The following SIRPD variants were observed in gnomAD, a reference collection of about 807,000 sequenced individuals.
The protein encoded by SIRPD is signal regulatory protein delta.
In SIRPD, 21 loss-of-function variants were observed where a neutral mutation model predicts 18.0. The ratio of observed to expected loss-of-function variants is 1.17; its 90% CI spans 0.83 to 1.68. The LOEUF (loss-of-function observed/expected upper bound fraction) is 1.68, where lower values mean the gene tolerates loss of function less well. Among genes scored for constraint, SIRPD ranks in the 40% most tolerant of loss-of-function variants. The pLI, the probability that SIRPD is intolerant of heterozygous loss-of-function variation, is 0.00. For missense variants in SIRPD, 295 were observed against 238.4 expected (o/e 1.24, Z -1.56); for synonymous variants, 106 against 92.9 (o/e 1.14, Z -0.81).
intron 1 of SIRPD, chr20:1,553,826 G>T (rs2091029042): frequency 6.6e-6 from 1 of 152,416 alleles, no homozygotes; most frequent in East Asian, 1.9e-4. Flanking sequence ...TAGTCTACAG[G>T]GTAGTTCGTG....
intron 2 of SIRPD, among the ~76,000 whole-genome samples, chr20:1,549,506 A>C (rs1232625066): frequency 2.6e-5 from 4 of 151,724 alleles, no homozygotes; most frequent in Non-Finnish European, 1.5e-5. Flanking sequence ...ACAACCACCG[A>C]GGCTTGTTAT....
At chr20:1,535,551 C>T (rs1292259062) in intron 3 of SIRPD, among the ~76,000 whole-genome samples, 14 of 152,092 alleles carry the variant, frequency 9.2e-5, no homozygotes, top group Middle Eastern at 3.2e-3. Flanking sequence ...CATGCTCAGT[C>T]CCCTCACCAT....
intron 2 of SIRPD, among the ~76,000 whole-genome samples, chr20:1,545,741 C>G: frequency 6.6e-6 from 1 of 152,180 alleles, no homozygotes; most frequent in Non-Finnish European, 1.5e-5. Flanking sequence ...GTTTTTTCCT[C>G]ATTTTCATGG....
chr20:1,550,233 A>T (rs2091012908), intron 2 of SIRPD, among the ~76,000 whole-genome samples: 1 of 152,200 alleles, frequency 6.6e-6, no homozygotes. Flanking sequence ...CAACCTGCTT[A>T]GCATTTGTTC....
chr20:1,551,991 C>A lies in SIRPD; in HGVS notation c.121G>T (p.Val41Leu). 1 of 1,614,036 alleles carries A rather than the reference C, an allele frequency of 6.2e-7. No individual in the cohort carries two copies. The highest frequency in any genetic ancestry group is 1.1e-5 in the South Asian group (1 of 91,066). Reference protein sequence around the residue: ...HVQQTEMSQTVSTGESIILSC... With the variant: ...HVQQTEMSQTLSTGESIILSC... Reference sequence around the variant, plus strand: ...AAGATGATTGACTCCCCAGTTGATACAGTCTGTGACATCTCCGTTTGTTGC... The same window carrying A: ...AAGATGATTGACTCCCCAGTTGATAAAGTCTGTGACATCTCCGTTTGTTGC... Residue 41 changes from valine to leucine, a missense_variant, in exon 2 of 4, where the codon GTA (valine) becomes TTA (leucine). Physicochemically the swap from Val to Leu is conservative, Grantham distance 32. Transcript: ENST00000381623.
intron 2 of SIRPD, 153 bp from the exon 3 acceptor site, chr20:1,537,463 G>T: frequency 2.3e-6 from 2 of 878,020 alleles, no homozygotes; most frequent in Non-Finnish European, 3.4e-6. Flanking sequence ...AGGGTCCCAA[G>T]GTGCTTGGAG....
At chr20:1,551,661 G>T (rs2091019446) in intron 2 of SIRPD, 30 bp downstream of exon 2, 8 of 1,514,410 alleles carry the variant, frequency 5.3e-6, no homozygotes, top group Non-Finnish European at 7.2e-6. Flanking sequence ...TTATACACCA[G>T]GGGGTATGGG....
At chr20:1,542,623 C>T (rs779361887) in intron 2 of SIRPD, among the ~76,000 whole-genome samples, 1 of 152,048 alleles carries the variant, frequency 6.6e-6, no homozygotes, top group Non-Finnish European at 1.5e-5. Flanking sequence ...ATTTGAATAC[C>T]CTTTATTTCT....
chr20:1,553,234 T>C (rs543387718), intron 1 of SIRPD, among the ~76,000 whole-genome samples: 5 of 152,196 alleles, frequency 3.3e-5, no homozygotes, highest in Non-Finnish European at 7.4e-5. Flanking sequence ...TGCCAGGCCA[T>C]GGTAGGAGAT....
At chr20:1,539,204 A>G (rs2090960517) in intron 2 of SIRPD, among the ~76,000 whole-genome samples, 1 of 152,156 alleles carries the variant, frequency 6.6e-6, no homozygotes, top group Admixed American at 6.5e-5. Context: ...AGTCCAAAAT[A>G]TTTTCTAGTA....
intron 2 of SIRPD, among the ~76,000 whole-genome samples, chr20:1,544,881 T>G (rs1384980081): frequency 2.6e-5 from 4 of 152,214 alleles, no homozygotes; most frequent in African/African-American, 9.6e-5. Context: ...TGAAGCTTTT[T>G]TTGGCTGGAT....
chr20:1,553,135 C>T (rs1168026673), intron 1 of SIRPD, among the ~76,000 whole-genome samples: 1 of 152,200 alleles, frequency 6.6e-6, no homozygotes, highest in Non-Finnish European at 1.5e-5. Context: ...AATGACTCAA[C>T]CCCTATGGGA....
At chr20:1,542,583 A>G (rs572520520) in intron 2 of SIRPD, among the ~76,000 whole-genome samples, 76 of 152,290 alleles carry the variant, frequency 5.0e-4, no homozygotes, top group African/African-American at 1.7e-3. Flanking sequence ...GTCATCTGTA[A>G]ACAGAAACAA....
intron 2 of SIRPD, among the ~76,000 whole-genome samples, chr20:1,551,120 A>G (rs2091017091): frequency 6.6e-6 from 1 of 152,164 alleles, no homozygotes; most frequent in South Asian, 2.1e-4. Flanking sequence ...TTTCTTTCAC[A>G]TTATTAGAGG....
chr20:1,538,478 C>A (rs1326426009), intron 2 of SIRPD, among the ~76,000 whole-genome samples: 1 of 152,122 alleles, frequency 6.6e-6, no homozygotes, highest in Non-Finnish European at 1.5e-5. Context: ...CCTCTTCACT[C>A]ATGCTCTTCG....
intron 2 of SIRPD, among the ~76,000 whole-genome samples, chr20:1,543,305 C>A (rs992121242): frequency 6.6e-6 from 1 of 152,116 alleles, no homozygotes; most frequent in Non-Finnish European, 1.5e-5. Context: ...GCCTCAATTT[C>A]GGAACTTGTT....
intron 3 of SIRPD, among the ~76,000 whole-genome samples, chr20:1,536,074 A>G (rs2090943925): frequency 6.6e-6 from 1 of 152,204 alleles, no homozygotes; most frequent in African/African-American, 2.4e-5. Flanking sequence ...TTCTAAGTGA[A>G]GACATAGACT....
intron 2 of SIRPD, among the ~76,000 whole-genome samples, chr20:1,541,676 C>A (rs757320818): frequency 6.6e-6 from 1 of 152,146 alleles, no homozygotes; most frequent in African/African-American, 2.4e-5. Context: ...GCATTTGTTG[C>A]AATTGCTTTT....
At chr20:1,551,323 C>T (rs1194985214) in intron 2 of SIRPD, among the ~76,000 whole-genome samples, 1 of 152,198 alleles carries the variant, frequency 6.6e-6, no homozygotes, top group African/African-American at 2.4e-5. Flanking sequence ...CTTTAGATTA[C>T]CAGATTTTTC....
Sources: gnomAD v4.1 joint callset for allele counts (sites outside exome capture counted in the v4.1 genomes callset) on GRCh38, gnomAD v4.1.1 for gene constraint, MANE v1.5 for transcripts, NCBI Gene and HGNC (gene_info 2026-07-23, HGNC 2026-07-21) for gene names.